The following FSTL4 variants were observed in gnomAD, a reference collection of about 807,000 sequenced individuals.
FSTL4 encodes the protein follistatin-related protein 4.
FSTL4 carries 28 observed loss-of-function variants against 78.2 expected under a neutral mutation model. The ratio of observed to expected loss-of-function variants is 0.36; its 90% CI spans 0.27 to 0.49. The LOEUF (loss-of-function observed/expected upper bound fraction) is 0.49, where lower values mean the gene tolerates loss of function less well. Among genes scored for constraint, FSTL4 ranks in the 20% least tolerant of loss-of-function variants. FSTL4 has a pLI of 0.98. For synonymous variants in FSTL4, 422 were observed against 440.5 expected (o/e 0.96, Z 0.53); for missense variants, 922 against 1,084.9 (o/e 0.85, Z 2.11).
intron 6 of FSTL4, among the ~76,000 whole-genome samples, chr5:133,301,015 C>T (rs1753526840): frequency 1.3e-5 from 2 of 151,992 alleles, no homozygotes; most frequent in Non-Finnish European, 1.5e-5. Context: ...TGAAAGGGAC[C>T]CAGGTGAAAT....
the FSTL4 span, among the ~76,000 whole-genome samples, chr5:133,755,532 C>A: frequency 1.3e-5 from 2 of 152,200 alleles, no homozygotes; most frequent in Non-Finnish European, 2.9e-5. Context: ...TGCCCACCAC[C>A]TCTCACACAT....
At chr5:133,386,434 C>T (rs372718889) in intron 4 of FSTL4, among the ~76,000 whole-genome samples, 5 of 152,174 alleles carry the variant, frequency 3.3e-5, no homozygotes, top group African/African-American at 1.2e-4. Flanking sequence ...TTTGTGCCAA[C>T]TGTTTCTCTA....
intron 2 of FSTL4, among the ~76,000 whole-genome samples, chr5:133,590,090 C>CTTTAT (rs1760592107): frequency 9.0e-6 from 1 of 111,160 alleles, no homozygotes; most frequent in Non-Finnish European, 1.9e-5. Context: ...TTGGGAATCT[C>CTTTAT]CTCTTTATTT....
chr5:133,302,489 G>A (rs1351404485), intron 6 of FSTL4, among the ~76,000 whole-genome samples: 2 of 152,106 alleles, frequency 1.3e-5, no homozygotes, highest in Non-Finnish European at 2.9e-5. Flanking sequence ...CTCTTACCTC[G>A]GGCCTCCTTA....
At chr5:133,289,146 T>C (rs1338616067) in intron 6 of FSTL4, among the ~76,000 whole-genome samples, 3 of 152,132 alleles carry the variant, frequency 2.0e-5, no homozygotes, top group Admixed American at 2.0e-4. Flanking sequence ...GGCTGCGAGG[T>C]CTGGAGCCTC....
intron 2 of FSTL4, among the ~76,000 whole-genome samples, chr5:133,578,071 AT>A (rs1267581430): frequency 1.3e-5 from 2 of 152,244 alleles, no homozygotes; most frequent in African/African-American, 4.8e-5. Context: ...GAAGTCTAAA[AT>A]AACTAAGCCA....
chr5:133,802,427 A>C, the FSTL4 span, among the ~76,000 whole-genome samples: 2 of 152,192 alleles, frequency 1.3e-5, no homozygotes, highest in Non-Finnish European at 2.9e-5. Flanking sequence ...TATGACATTG[A>C]AAATAAGCTC....
At chr5:133,448,752 C>T (rs1011472303) in intron 3 of FSTL4, among the ~76,000 whole-genome samples, 4 of 120,998 alleles carry the variant, frequency 3.3e-5, no homozygotes, top group African/African-American at 6.5e-5. Flanking sequence ...GGGGGGGGGG[C>T]GCTCAGAATT....
At chr5:133,743,175 G>C in the FSTL4 span, among the ~76,000 whole-genome samples, 2 of 152,142 alleles carry the variant, frequency 1.3e-5, no homozygotes, top group East Asian at 1.9e-4. Context: ...GGAAAGACCT[G>C]AGAGACTGCA....
At chr5:133,342,810 A>G (rs1476353734) in intron 4 of FSTL4, among the ~76,000 whole-genome samples, 1 of 152,226 alleles carries the variant, frequency 6.6e-6, no homozygotes, top group South Asian at 2.1e-4. Flanking sequence ...CGATTTGTGC[A>G]TACCCCCTTG....
chr5:133,476,695 A>T (rs1460062595), intron 3 of FSTL4, among the ~76,000 whole-genome samples: 3 of 152,168 alleles, frequency 2.0e-5, no homozygotes, highest in African/African-American at 7.2e-5. Flanking sequence ...GATAGAGGAG[A>T]AATCTCTGTC....
the FSTL4 span, among the ~76,000 whole-genome samples, chr5:133,723,217 T>C: frequency 6.6e-6 from 1 of 152,198 alleles, no homozygotes. Context: ...GTCTTTGTTC[T>C]GAGTTATAGC....
At chr5:133,767,481 T>C in the FSTL4 span, among the ~76,000 whole-genome samples, 1 of 152,128 alleles carries the variant, frequency 6.6e-6, no homozygotes. Context: ...GGGTCCTGAT[T>C]GTGGAGAGCC....
chr5:133,786,576 G>C, the FSTL4 span, among the ~76,000 whole-genome samples: 7 of 152,198 alleles, frequency 4.6e-5, no homozygotes, highest in African/African-American at 1.7e-4. Flanking sequence ...AGGCCCGATC[G>C]GTCAAACAAG....
At chr5:133,759,328 C>T in the FSTL4 span, among the ~76,000 whole-genome samples, 1 of 152,244 alleles carries the variant, frequency 6.6e-6, no homozygotes, top group South Asian at 2.1e-4. Context: ...GGAAAATGGG[C>T]CCTCCTGTAC....
At chr5:133,462,171 G>A (rs965410133) in intron 3 of FSTL4, among the ~76,000 whole-genome samples, 2 of 152,214 alleles carry the variant, frequency 1.3e-5, no homozygotes, top group Non-Finnish European at 2.9e-5. Context: ...AGAGAGCCAC[G>A]ACAACTGCTT....
At position 133,316,652 on chromosome 5, in the gene FSTL4, C is replaced by A; in HGVS notation, c.410G>T (p.Gly137Val). 1.2e-6 allele frequency: 2 copies of A among 1,603,906 alleles called. No individual in the cohort carries two copies. The highest frequency in any genetic ancestry group is 1.7e-6 in the Non-Finnish European group (2 of 1,172,636). Residue 137 changes from glycine (G) to valine (V), a missense_variant and splice_region_variant, in exon 5 of 16, where the codon GGT becomes GTT. Coordinates refer to ENST00000265342, the MANE Select transcript of FSTL4 (RefSeq NM_015082.2). The stretch of plus-strand genomic sequence containing the variant: ...GTAGCCGGCCATGGTGCACGTGTCA[C>A]CTGAAAGAGAAGGTGAGGTTATTAT... ...VIHSKDCFLK[G>V]DTCTMAGYAR...
At chr5:133,783,782 G>A in the FSTL4 span, among the ~76,000 whole-genome samples, 1 of 152,182 alleles carries the variant, frequency 6.6e-6, no homozygotes, top group African/African-American at 2.4e-5. Context: ...TAGTTCAAGG[G>A]AAGTTACAAA....
rs188301547 is a variant in FSTL4 at position 133,205,752 on chromosome 5, T to G, written c.1717-3710A>C. ...TCTTTAGAAACACCGTAAAACTATGTAAACAGTGGTAGTTTGCATCTCTTT... is the reference window on the plus strand; with the variant it reads ...TCTTTAGAAACACCGTAAAACTATGGAAACAGTGGTAGTTTGCATCTCTTT... On this transcript the variant is annotated intron_variant, in intron 14 of 15. Transcript: ENST00000265342. Among the ~76,000 whole-genome samples the G allele has an allele frequency of 8.0e-3, 1,209 of 150,824 alleles. 7 individuals are homozygous for G. Among genetic ancestry groups the G allele is most frequent in the Middle Eastern group, 0.017 (5 of 294 alleles).
Sources: gnomAD v4.1 joint callset for allele counts (sites outside exome capture counted in the v4.1 genomes callset) on GRCh38, gnomAD v4.1.1 for gene constraint, MANE v1.5 for transcripts, NCBI Gene and HGNC (gene_info 2026-07-23, HGNC 2026-07-21) for gene names.